Variants in PSG8 observed in about 807,000 individuals in gnomAD.
The protein encoded by PSG8 is pregnancy-specific beta-1-glycoprotein 8.
In PSG8, 57 loss-of-function variants were observed where a neutral mutation model predicts 42.5. That is an observed-to-expected ratio of 1.34 (90% confidence interval 1.08 to 1.67). The LOEUF (loss-of-function observed/expected upper bound fraction) is 1.67, where lower values mean the gene tolerates loss of function less well. Ranked by LOEUF, PSG8 falls within the 40% of genes most tolerant of loss-of-function variation. PSG8 has a pLI of 0.00. For missense variants in PSG8, 783 were observed against 518.6 expected, an observed-to-expected ratio of 1.51 and a Z score of -4.95; for synonymous variants, 280 against 196.8, an observed-to-expected ratio of 1.42 and a Z score of -3.54.
chr19:42,760,889 G>T (rs957758722), intron 2 of PSG8, among the ~76,000 whole-genome samples: 5 of 152,154 alleles, frequency 3.3e-5, no homozygotes, highest in African/African-American at 9.7e-5. Context: ...CTCTGAGGGA[G>T]TTTAACGAGT....
At chr19:42,761,318 G>C (rs907739110) in intron 2 of PSG8, among the ~76,000 whole-genome samples, 3 of 152,164 alleles carry the variant, frequency 2.0e-5, no homozygotes, top group East Asian at 1.9e-4. Flanking sequence ...GACTGCCTTT[G>C]TAAAACTAGT....
chr19:42,765,673 C>T lies in PSG8; in HGVS notation c.-92G>A, dbSNP rs1289672863. 2.6e-6 allele frequency: 4 copies of T among 1,530,792 alleles called. No individual in the cohort carries two copies. Among genetic ancestry groups the T allele is most frequent in the Admixed American group, 1.9e-5 (1 of 53,672 alleles). The allele number at this position is 1,530,792 out of a possible 1,614,324, so 94.8% of individuals were successfully genotyped here. ...AGCTCTCAGCAGTGCTGTCCTGCCT[C>T]CTTCTGCGCTGAGCTTCTTCCCGGG... On this transcript the variant is annotated 5_prime_UTR_variant, in exon 1 of 5. Coordinates refer to ENST00000306511, the MANE Select transcript of PSG8 (RefSeq NM_182707.3).
chr19:42,752,800 GGA>G (rs1203960262), downstream of PSG8: 1 of 181,270 alleles, frequency 5.5e-6, no homozygotes, highest in African/African-American at 2.4e-5. Flanking sequence ...CATTTAAAGG[GGA>G]CTCTATTATA....
At position 42,764,323 on chromosome 19, in the gene PSG8, T is replaced by C. The variant is rs759556325; in HGVS notation, c.65-42A>G. 7 of 1,579,890 alleles carry C rather than the reference T, an allele frequency of 4.4e-6. No homozygotes were observed. In the South Asian group the frequency reaches 7.1e-5, roughly 16 times the overall value. ...GCATCAGTCAATATTGAGAGCTATG[T>C]ATTGGTGTGAAAACATGGGGCCCTG... On this transcript the variant is annotated intron_variant, in intron 1 of 4. Transcript: ENST00000306511.
At chr19:42,760,160 G>T (rs1292696761) in intron 2 of PSG8, among the ~76,000 whole-genome samples, 3 of 152,172 alleles carry the variant, frequency 2.0e-5, no homozygotes, top group African/African-American at 7.2e-5. Flanking sequence ...GTTTAAGTTT[G>T]TGTGAATTAG....
chr19:42,761,075 G>A (rs768585249), intron 2 of PSG8, among the ~76,000 whole-genome samples: 1 of 152,078 alleles, frequency 6.6e-6, no homozygotes, highest in East Asian at 1.9e-4. Context: ...GGGCTTTGGG[G>A]ACTGCAGGCC....
intron 2 of PSG8, among the ~76,000 whole-genome samples, chr19:42,762,479 A>T (rs1448928281): frequency 1.3e-5 from 2 of 152,038 alleles, no homozygotes; most frequent in Admixed American, 1.3e-4. Context: ...AACTCCTAGG[A>T]TTCTGCATGC....
At position 42,764,288 on chromosome 19, in the gene PSG8, G is replaced by A. The variant is rs760951814; in HGVS notation, c.65-7C>T. 9.9e-6 allele frequency: 16 copies of A among 1,610,544 alleles called. No homozygotes were observed. The African/African-American group carries it at 1.2e-4, about 12-fold the overall frequency. On this transcript the variant is annotated splice_polypyrimidine_tract_variant and splice_region_variant and intron_variant, in intron 1 of 4. Coordinates refer to ENST00000306511, the MANE Select transcript of PSG8 (RefSeq NM_182707.3). ...CAGAAGTTTAAAAGTGATGCTAGGA[G>A]GTGGAGAGAGCATCAGTCAATATTG...
At chr19:42,762,375 T>C (rs950190806) in intron 2 of PSG8, among the ~76,000 whole-genome samples, 2 of 151,940 alleles carry the variant, frequency 1.3e-5, no homozygotes, top group African/African-American at 4.8e-5. Flanking sequence ...AGCTTCAGAA[T>C]TACATGAGCT....
chr19:42,764,142 G>A lies in PSG8; in HGVS notation c.204C>T (p.Tyr68=), dbSNP rs138118337. Residue 68 remains tyrosine, a synonymous_variant, in exon 2 of 5, where the codon TAC becomes TAT. Transcript: ENST00000306511. Reference sequence around the variant, plus strand: ...GGTAGAGGTCCCTGATTTGCCCTTTGTACCAGATGTAGCCAGTAAGATTCT... The same window carrying A: ...GGTAGAGGTCCCTGATTTGCCCTTTATACCAGATGTAGCCAGTAAGATTCT... ...LPQNLTGYIW[Y]KGQIRDLYHY... 1.9e-6 allele frequency: 3 copies of A among 1,613,752 alleles called. No individual in the cohort carries two copies. The highest frequency in any genetic ancestry group is 2.5e-6 in the Non-Finnish European group (3 of 1,179,904).
At chr19:42,761,960 C>A (rs1360029665) in intron 2 of PSG8, among the ~76,000 whole-genome samples, 3 of 149,986 alleles carry the variant, frequency 2.0e-5, no homozygotes, top group Non-Finnish European at 1.5e-5. Flanking sequence ...GGGAAAGAGC[C>A]CTGGATGGGA....
intron 1 of PSG8, among the ~76,000 whole-genome samples, chr19:42,764,559 C>A (rs1030332205): frequency 6.6e-6 from 1 of 151,938 alleles, no homozygotes; most frequent in Non-Finnish European, 1.5e-5. Flanking sequence ...AATCCTCTTC[C>A]CCAGGGGTCC....
chr19:42,763,565 T>A (rs548437585), intron 2 of PSG8: 16 of 359,148 alleles, frequency 4.5e-5, no homozygotes, highest in Non-Finnish European at 7.7e-5. Context: ...TGAGAGTATC[T>A]CAGGGGCTCC....
chr19:42,757,487 C>T lies in PSG8; in HGVS notation c.709+515G>A, dbSNP rs1278248479. Among the ~76,000 whole-genome samples the T allele has an allele frequency of 2.0e-5, 3 of 152,008 alleles. No homozygotes were observed. The East Asian group carries it at 5.8e-4, about 29-fold the overall frequency. On this transcript the variant is annotated intron_variant, in intron 3 of 4. Coordinates refer to ENST00000306511, the MANE Select transcript of PSG8 (RefSeq NM_182707.3). The stretch of plus-strand genomic sequence containing the variant: ...ATTGCTGGAACTTCCCATCAATCAG[C>T]CAAGAATGCTCTGCCAGTGGGTGAG...
downstream of PSG8, chr19:42,752,854 C>G (rs1485481917): frequency 9.9e-6 from 2 of 201,292 alleles, 1 homozygote; most frequent in Non-Finnish European, 2.0e-5. Flanking sequence ...ATCTTATCTG[C>G]AAACACACGG....
chr19:42,757,653 G>A lies in PSG8; in HGVS notation c.709+349C>T, dbSNP rs371678398. Among the ~76,000 whole-genome samples, 42 of 152,236 alleles carry A rather than the reference G, an allele frequency of 2.8e-4. 2 individuals are homozygous for A. In the South Asian group the frequency reaches 3.5e-3, roughly 13 times the overall value. ...ATTTTCAGAGGGAAGGGAAAATCTC[G>A]TCTGTGGAAGCACCACAATCACAGT... is the stretch of plus-strand genomic sequence containing the variant. On this transcript the variant is annotated intron_variant, in intron 3 of 4. Transcript: ENST00000306511.
chr19:42,763,802 T>G (rs1382300562), intron 2 of PSG8, 114 bp downstream of exon 2: 39 of 1,572,974 alleles, frequency 2.5e-5, no homozygotes, highest in Non-Finnish European at 3.1e-5. Flanking sequence ...AACCCCAGCA[T>G]GGGACATAAT....
chr19:42,758,117 G>A lies in PSG8; in HGVS notation c.594C>T (p.Thr198=), dbSNP rs146641163. The change falls in exon 3 of 5, where the codon ACC becomes ACT. Residue 198 remains threonine, a synonymous_variant. Transcript: ENST00000306511. ...PMSHRLQLSE[T]NRTLFLLGVT... is the part of the protein sequence containing the mutation. ...CACCCAATAGAAAGAGGGTCCTGTTGGTTTCAGACAACTGCAACCTGTGAG... is the reference window on the plus strand; with the variant it reads ...CACCCAATAGAAAGAGGGTCCTGTTAGTTTCAGACAACTGCAACCTGTGAG... 1.2e-6 allele frequency: 2 copies of A among 1,613,966 alleles called. No individual in the cohort carries two copies. Among genetic ancestry groups the A allele is most frequent in the Non-Finnish European group, 1.7e-6 (2 of 1,179,932 alleles).
At chr19:42,761,383 G>T (rs7258435) in intron 2 of PSG8, among the ~76,000 whole-genome samples, 13,985 of 152,188 alleles carry the variant, frequency 0.092, 858 homozygotes, top group African/African-American at 0.17. Flanking sequence ...TAAAATGTTG[G>T]CACAGTTTCT....
Sources: gnomAD v4.1 joint callset for allele counts (sites outside exome capture counted in the v4.1 genomes callset) on GRCh38, gnomAD v4.1.1 for gene constraint, MANE v1.5 for transcripts, NCBI Gene and HGNC (gene_info 2026-07-23, HGNC 2026-07-21) for gene names.